PRKCA: variants seen among roughly 807,000 people sequenced by gnomAD.
The protein encoded by PRKCA is protein kinase C alpha type.
In PRKCA, 27 loss-of-function variants were observed where a neutral mutation model predicts 87.0. That is an observed-to-expected ratio of 0.31 (90% CI 0.23 to 0.43). PRKCA has a LOEUF of 0.43. Ranked by LOEUF, PRKCA falls within the 20% of genes least tolerant of loss-of-function variation. The pLI, the probability that PRKCA is intolerant of heterozygous loss-of-function variation, is 1.00. For missense variants in PRKCA, 518 were observed against 852.3 expected, an observed-to-expected ratio of 0.61 and a Z score of 4.88; for synonymous variants, 329 against 311.1, an observed-to-expected ratio of 1.06 and a Z score of -0.61.
intron 2 of PRKCA, among the ~76,000 whole-genome samples, chr17:66,317,573 T>C (rs1905389860): frequency 1.3e-5 from 2 of 152,228 alleles, no homozygotes; most frequent in Admixed American, 6.5e-5. Flanking sequence ...TTTTTTTAGT[T>C]GCTGAAGCTG....
chr17:66,427,002 T>C lies in PRKCA; in HGVS notation c.206-69199T>C, dbSNP rs140074704. 2.6e-4 allele frequency among the ~76,000 whole-genome samples: 39 copies of C among 152,286 alleles called. No individual in the cohort carries two copies. The East Asian group carries it at 5.2e-3, about 20-fold the overall frequency. On this transcript the variant is annotated intron_variant, in intron 2 of 16. Transcript: ENST00000413366. ...GTTTAAGGCAGGGGTTGGCAAACTATGGTCCATGAGACACCAGCCACTTAA... is the reference window on the plus strand; with the variant it reads ...GTTTAAGGCAGGGGTTGGCAAACTACGGTCCATGAGACACCAGCCACTTAA...
chr17:66,773,992 C>T lies in PRKCA; in HGVS notation c.1530C>T (p.Ile510=), dbSNP rs1974994257. 13 of 1,613,822 alleles carry T rather than the reference C, an allele frequency of 8.1e-6. No homozygotes were observed. The highest frequency in any genetic ancestry group is 3.3e-5 in the South Asian group (3 of 91,064). The change falls in exon 14 of 17, where the codon ATC becomes ATT. Residue 510 remains isoleucine, a synonymous_variant. Coordinates refer to ENST00000413366, the MANE Select transcript of PRKCA (RefSeq NM_002737.3). ...GTPDYIAPEI[I]AYQPYGKSVD... Reference sequence around the variant, plus strand: ...ATGTGTTTGTTTTCACACAGATAATCGCTTATCAGCCGTATGGAAAATCTG... The same window carrying T: ...ATGTGTTTGTTTTCACACAGATAATTGCTTATCAGCCGTATGGAAAATCTG...
At chr17:66,389,117 G>A (rs4591179) in intron 2 of PRKCA, among the ~76,000 whole-genome samples, 120,515 of 152,128 alleles carry the variant, frequency 0.79, 48,229 homozygotes, top group South Asian at 0.87. Flanking sequence ...ACCTTCCCAC[G>A]CAACTTGCAG....
intron 2 of PRKCA, chr17:66,416,096 A>G (rs1912130404): frequency 6.6e-6 from 1 of 152,120 alleles, no homozygotes; most frequent in Non-Finnish European, 1.5e-5. Context: ...CTCCCTCACT[A>G]TGGGTTTCTC....
chr17:66,765,137 G>A (rs1974768823), intron 13 of PRKCA, among the ~76,000 whole-genome samples: 1 of 152,106 alleles, frequency 6.6e-6, no homozygotes, highest in Admixed American at 6.5e-5. Context: ...ATGAAGGCCA[G>A]GCATGGTGGC....
intron 5 of PRKCA, among the ~76,000 whole-genome samples, chr17:66,683,448 A>G (rs541605866): frequency 6.6e-6 from 1 of 152,340 alleles, no homozygotes; most frequent in South Asian, 2.1e-4. Context: ...CCTGGGTGTC[A>G]ACCCGGACCA....
At chr17:66,615,481 C>T (rs887015773) in intron 3 of PRKCA, among the ~76,000 whole-genome samples, 2 of 152,124 alleles carry the variant, frequency 1.3e-5, no homozygotes, top group Admixed American at 1.3e-4. Context: ...AAACATCCTG[C>T]TTTAGAACTA....
At chr17:66,626,572 A>T (rs147366095) in intron 3 of PRKCA, among the ~76,000 whole-genome samples, 2 of 147,182 alleles carry the variant, frequency 1.4e-5, no homozygotes. Context: ...GGGTTTCACC[A>T]TGTTAGCCAG....
chr17:66,793,958 C>T (rs2144401012), intron 16 of PRKCA, among the ~76,000 whole-genome samples: 1 of 152,354 alleles, frequency 6.6e-6, no homozygotes, highest in East Asian at 1.9e-4. Flanking sequence ...TTCCACTCAT[C>T]CTGCTTGTAA....
chr17:66,492,265 T>C (rs1292234851), intron 2 of PRKCA, among the ~76,000 whole-genome samples: 2 of 152,104 alleles, frequency 1.3e-5, no homozygotes, highest in East Asian at 1.9e-4. Flanking sequence ...TTGGGATAGG[T>C]AAAGCTTTTT....
chr17:66,310,411 T>G (rs1014813338), intron 2 of PRKCA, among the ~76,000 whole-genome samples: 5 of 152,142 alleles, frequency 3.3e-5, no homozygotes, highest in Non-Finnish European at 7.3e-5. Context: ...ATTTACATTT[T>G]TGTGCTTTCA....
chr17:66,663,974 T>G (rs772511073), intron 5 of PRKCA, among the ~76,000 whole-genome samples: 2 of 152,016 alleles, frequency 1.3e-5, no homozygotes, highest in African/African-American at 2.4e-5. Flanking sequence ...TTCAAGTGAT[T>G]CTCGTGGCTC....
In PRKCA at chr17:66,735,525, T is replaced by G. The variant is rs1974003458; in HGVS notation, c.1093T>G (p.Tyr365Asp). ...CGACAGGAAGGGCACAGAAGAACTG[T>G]ATGCAATCAAAATCCTGAAGAAGGA... Reference protein sequence around the residue: ...LADRKGTEELYAIKILKKDVV... With the variant: ...LADRKGTEELDAIKILKKDVV... The change falls in exon 10 of 17, where the codon TAT (tyrosine) becomes GAT (aspartate). Residue 365 changes from tyrosine to aspartate, a missense_variant. Physicochemically the swap from Tyr to Asp is radical, Grantham distance 160. Coordinates refer to ENST00000413366, the MANE Select transcript of PRKCA (RefSeq NM_002737.3). 1.2e-6 allele frequency: 2 copies of G among 1,614,090 alleles called. No individual in the cohort carries two copies. Among genetic ancestry groups the G allele is most frequent in the Admixed American group, 1.7e-5 (1 of 60,022 alleles).
At chr17:66,675,846 C>T (rs774733061) in intron 5 of PRKCA, among the ~76,000 whole-genome samples, 3 of 152,168 alleles carry the variant, frequency 2.0e-5, no homozygotes, top group African/African-American at 2.4e-5. Flanking sequence ...GGTTCCTCCG[C>T]GGGGTCCCAC....
intron 2 of PRKCA, among the ~76,000 whole-genome samples, chr17:66,455,374 C>A (rs1300091583): frequency 6.6e-6 from 1 of 152,124 alleles, no homozygotes; most frequent in Non-Finnish European, 1.5e-5. Context: ...TGAGTGCTCA[C>A]ATATAGAAGA....
At chr17:66,409,456 C>T (rs992512832) in intron 2 of PRKCA, among the ~76,000 whole-genome samples, 4 of 152,174 alleles carry the variant, frequency 2.6e-5, no homozygotes, top group African/African-American at 9.7e-5. Flanking sequence ...TTAGGAAAGC[C>T]AATGCCTGTT....
intron 3 of PRKCA, among the ~76,000 whole-genome samples, chr17:66,594,891 T>G (rs1423054140): frequency 6.6e-6 from 1 of 152,184 alleles, no homozygotes; most frequent in Non-Finnish European, 1.5e-5. Context: ...TTAATTAATG[T>G]CTGTGTTAGT....
intron 2 of PRKCA, among the ~76,000 whole-genome samples, chr17:66,427,968 G>A (rs1344006305): frequency 6.6e-6 from 1 of 152,146 alleles, no homozygotes; most frequent in Non-Finnish European, 1.5e-5. Flanking sequence ...TTGTTTTTGT[G>A]GCCTCTGTGA....
intron 4 of PRKCA, 90 bp downstream of exon 4, chr17:66,641,556 C>A: frequency 1.3e-6 from 1 of 792,524 alleles, no homozygotes; most frequent in South Asian, 1.9e-5. Context: ...AACTTTTCAA[C>A]ACCAACTCTT....
Sources: allele counts gnomAD v4.1 joint callset (sites outside exome capture counted in the v4.1 genomes callset), GRCh38; gene constraint gnomAD v4.1.1; transcripts MANE v1.5; gene names NCBI Gene and HGNC (gene_info 2026-07-23, HGNC 2026-07-21).